C2CD5: variants seen among roughly 807,000 people sequenced by gnomAD.
C2CD5 encodes the protein C2 domain-containing protein 5.
In C2CD5, 109 loss-of-function variants were observed where a neutral mutation model predicts 130.3. The ratio of observed to expected loss-of-function variants is 0.84; its 90% CI spans 0.72 to 0.98. C2CD5 has a LOEUF of 0.98. Among genes scored for constraint, C2CD5 ranks in the 50% least tolerant of loss-of-function variants. The probability of loss-of-function intolerance (pLI) is 0.00; values close to 1 mark genes in which losing one functional copy is unlikely to be tolerated. For synonymous variants in C2CD5, 454 were observed against 429.2 expected, an observed-to-expected ratio of 1.06 and a Z score of -0.71; for missense variants, 996 against 1,261.8, an observed-to-expected ratio of 0.79 and a Z score of 3.19.
In C2CD5 at chr12:22,543,907, C is replaced by A. The variant is rs529514404; in HGVS notation, c.90+154G>T. The stretch of plus-strand genomic sequence containing the variant: ...GTGCACCCATCGCACACACTGAGGT[C>A]TCGGCGGTCATCCCTCGTGGGAGAG... On this transcript the variant is annotated intron_variant, in intron 2 of 26. Transcript: ENST00000446597. 1.6e-3 allele frequency among the ~76,000 whole-genome samples: 240 copies of A among 152,256 alleles called. 1 individual carries two copies. The highest frequency in any genetic ancestry group is 3.0e-3 in the Non-Finnish European group (205 of 68,026).
chr12:22,481,872 T>C (rs1396936264), intron 14 of C2CD5, among the ~76,000 whole-genome samples: 1 of 148,932 alleles, frequency 6.7e-6, no homozygotes, highest in Non-Finnish European at 1.5e-5. Flanking sequence ...GCTCAAGTGA[T>C]CCTCCCACCT....
rs569614320 is a variant in C2CD5, at chr12:22,492,617, G to A, written c.1262+606C>T. Among the ~76,000 whole-genome samples, 4 of 152,236 alleles carry A rather than the reference G, an allele frequency of 2.6e-5. No homozygotes were observed. In the South Asian group the frequency reaches 8.3e-4, roughly 32 times the overall value. On this transcript the variant is annotated intron_variant, in intron 11 of 26. Coordinates refer to ENST00000446597, the MANE Select transcript of C2CD5 (RefSeq NM_001286176.2). ...AAGTAACTAAGAAAGGCAGACGAAT[G>A]CTTTGGAAGTAGATAATGGAACAGT...
Position 22,459,534 on chromosome 12 carries a change from C to T in C2CD5, c.2542G>A (p.Glu848Lys), listed in dbSNP as rs1177522849. 2 of 1,529,396 alleles carry T rather than the reference C, an allele frequency of 1.3e-6. No homozygotes were observed. The highest frequency in any genetic ancestry group is 1.8e-6 in the Non-Finnish European group (2 of 1,141,078). The allele number at this position is 1,529,396 out of a possible 1,614,324, so 94.7% of individuals were successfully genotyped here. A position where few individuals can be genotyped will look rare whatever the true frequency, so the allele number is the denominator to read the frequency against. ...HPFPPAKEHL[E>K]SASSNSGIPA... The stretch of plus-strand genomic sequence containing the variant: ...ATACCTGAGTTAGAACTTGCACTCT[C>T]CAGGTGTTCTAATAAGACAATATGA... The change falls in exon 23 of 27, where the codon GAG (glutamate) becomes AAG (lysine). Residue 848 changes from glutamate to lysine, a missense_variant. Physicochemically the swap from Glu to Lys is moderately conservative, Grantham distance 56. Coordinates refer to ENST00000446597, the MANE Select transcript of C2CD5 (RefSeq NM_001286176.2).
chr12:22,460,500 A>G (rs958756700), intron 22 of C2CD5: 1 of 152,150 alleles, frequency 6.6e-6, no homozygotes, highest in South Asian at 2.1e-4. Flanking sequence ...TCAAAACATT[A>G]TTTGTACAGA....
At chr12:22,523,739 GAACTTGAAGGAAACTT>G in intron 6 of C2CD5, 115 bp from the exon 7 acceptor site, 2 of 735,028 alleles carry the variant, frequency 2.7e-6, no homozygotes, top group Non-Finnish European at 4.5e-6. Flanking sequence ...CAGATTTTCA[GAACTTGAAGGAAACTT>G]AAAAGATAAT....
chr12:22,535,386 A>C, intron 2 of C2CD5, 42 bp from the exon 3 acceptor site: 1 of 1,066,896 alleles, frequency 9.4e-7, no homozygotes, highest in Non-Finnish European at 1.4e-6. Context: ...AATATCAAAA[A>C]TGTGAATAAA....
intron 10 of C2CD5, among the ~76,000 whole-genome samples, chr12:22,500,706 T>C (rs970734270): frequency 2.0e-5 from 3 of 152,102 alleles, no homozygotes; most frequent in Non-Finnish European, 4.4e-5. Context: ...TGATCTGTCA[T>C]ATTTTATACA....
chr12:22,453,768 A>C (rs1320403093), intron 26 of C2CD5, 128 bp downstream of exon 26: 1 of 756,218 alleles, frequency 1.3e-6, no homozygotes, highest in Non-Finnish European at 2.2e-6. Context: ...AAACTCATTA[A>C]AATATCTTAC....
chr12:22,455,441 G>A (rs1939630585), intron 25 of C2CD5, among the ~76,000 whole-genome samples: 1 of 152,152 alleles, frequency 6.6e-6, no homozygotes, highest in African/African-American at 2.4e-5. Context: ...GGGAGCTTAA[G>A]TAGTCAAGAA....
chr12:22,497,679 A>C, intron 10 of C2CD5: 2 of 510,552 alleles, frequency 3.9e-6, no homozygotes, highest in Non-Finnish European at 2.5e-6. Context: ...TATAATCTCA[A>C]ACTGGGTGGG....
At position 22,474,750 on chromosome 12, in the gene C2CD5, C is replaced by G; in HGVS notation, c.2043+1G>C. On this transcript the variant is annotated splice_donor_variant, in intron 16 of 26. Coordinates refer to ENST00000446597, the MANE Select transcript of C2CD5 (RefSeq NM_001286176.2). LOFTEE classifies it high-confidence loss of function. ...AAGAAATTAGTCCAATGCCACATTA[C>G]CTCCAAAACAAAAGCATCTTTTTTC... 6 of 1,593,510 alleles carry G rather than the reference C, an allele frequency of 3.8e-6. No individual in the cohort carries two copies. Among genetic ancestry groups the G allele is most frequent in the Non-Finnish European group, 5.1e-6 (6 of 1,171,134 alleles).
intron 3 of C2CD5, among the ~76,000 whole-genome samples, chr12:22,534,324 T>TA (rs1353574795): frequency 6.6e-6 from 1 of 152,158 alleles, no homozygotes; most frequent in Non-Finnish European, 1.5e-5. Context: ...TTCATGACCT[T>TA]AGAGTTGACA....
chr12:22,544,209 G>C, intron 1 of C2CD5, 30 bp from the exon 2 acceptor site: 15 of 1,549,438 alleles, frequency 9.7e-6, no homozygotes, highest in African/African-American at 1.4e-5. Context: ...AGTCTGCGCC[G>C]AGCGCGGGGC....
intron 10 of C2CD5, among the ~76,000 whole-genome samples, chr12:22,498,817 C>G (rs1947374234): frequency 6.6e-6 from 1 of 152,104 alleles, no homozygotes; most frequent in African/African-American, 2.4e-5. Flanking sequence ...AAAATATCAA[C>G]TCACAAATTT....
At chr12:22,531,217 A>T (rs1049266931) in intron 3 of C2CD5, among the ~76,000 whole-genome samples, 1 of 152,194 alleles carries the variant, frequency 6.6e-6, no homozygotes, top group Non-Finnish European at 1.5e-5. Context: ...GACTCAATAC[A>T]TGTGCAACGG....
intron 12 of C2CD5, among the ~76,000 whole-genome samples, chr12:22,485,426 T>C (rs763471428): frequency 6.7e-4 from 102 of 152,090 alleles, no homozygotes; most frequent in East Asian, 1.9e-4. Flanking sequence ...GATAATTTAA[T>C]TGTACATTTT....
chr12:22,527,378 A>C (rs1362754454), intron 4 of C2CD5, among the ~76,000 whole-genome samples: 1 of 146,786 alleles, frequency 6.8e-6, no homozygotes, highest in Non-Finnish European at 1.5e-5. Context: ...GTTGCACAGG[A>C]CACGATCTCA....
At chr12:22,477,143 TTTCA>T (rs1419105895) in intron 15 of C2CD5, 1 of 152,154 alleles carries the variant, frequency 6.6e-6, no homozygotes, top group African/African-American at 2.4e-5. Flanking sequence ...AAACATTTTA[TTTCA>T]TTCAGTATAT....
chr12:22,527,412 G>A lies in C2CD5; in HGVS notation c.349+309C>T, dbSNP rs111706976. On this transcript the variant is annotated intron_variant, in intron 4 of 26. Coordinates refer to ENST00000446597, the MANE Select transcript of C2CD5 (RefSeq NM_001286176.2). ...CAGCTCACCACAACCTCCGCCTCCC[G>A]GGTTCAAGTGATTCTCCTGCCTCAC... Among the ~76,000 whole-genome samples the A allele has an allele frequency of 4.5e-3, 664 of 148,238 alleles. 4 individuals are homozygous for A. The highest frequency in any genetic ancestry group is 0.021 in the Middle Eastern group (6 of 284).
Sources: gnomAD v4.1 joint callset for allele counts (sites outside exome capture counted in the v4.1 genomes callset) on GRCh38, gnomAD v4.1.1 for gene constraint, MANE v1.5 for transcripts, NCBI Gene and HGNC (gene_info 2026-07-23, HGNC 2026-07-21) for gene names.